Variants in ABL2 observed in about 807,000 individuals in gnomAD.
ABL2 encodes the protein tyrosine-protein kinase ABL2.
Under a neutral mutation model 107.7 loss-of-function variants are expected in ABL2, and 49 were observed. The ratio of observed to expected loss-of-function variants is 0.45; its 90% CI spans 0.36 to 0.58. ABL2 has a LOEUF of 0.58. Among genes scored for constraint, ABL2 ranks in the 20% least tolerant of loss-of-function variants. ABL2 has a pLI of 0.00. For missense variants in ABL2, 1,245 were observed against 1,457.0 expected (o/e 0.85, Z 2.37); for synonymous variants, 549 against 548.6 (o/e 1.00, Z -0.01).
intron 1 of ABL2, among the ~76,000 whole-genome samples, chr1:179,206,900 G>A (rs1480254955): frequency 6.6e-6 from 1 of 152,160 alleles, no homozygotes; most frequent in Non-Finnish European, 1.5e-5. Flanking sequence ...CCACATACAA[G>A]CTGAAACTGA....
chr1:179,188,450 G>A (rs1009926997), intron 1 of ABL2, among the ~76,000 whole-genome samples: 1 of 152,044 alleles, frequency 6.6e-6, no homozygotes, highest in African/African-American at 2.4e-5. Flanking sequence ...AGGGGGCTGA[G>A]GCAGGAGAAT....
At chr1:179,184,243 T>C (rs994232608) in intron 1 of ABL2, 2 of 527,806 alleles carry the variant, frequency 3.8e-6, no homozygotes, top group African/African-American at 2.0e-5. Flanking sequence ...GGTTACAGAA[T>C]AGACTTTTAT....
At chr1:179,170,650 A>C (rs1170280160) in intron 1 of ABL2, among the ~76,000 whole-genome samples, 2 of 152,150 alleles carry the variant, frequency 1.3e-5, no homozygotes, top group African/African-American at 4.8e-5. Flanking sequence ...GCTGGAGTGC[A>C]GTGGCACGAT....
chr1:179,150,743 T>C (rs1376092789), intron 1 of ABL2, among the ~76,000 whole-genome samples: 2 of 152,260 alleles, frequency 1.3e-5, no homozygotes, highest in African/African-American at 4.8e-5. Flanking sequence ...AGTTCTACTG[T>C]AGGTAAAATG....
intron 1 of ABL2, among the ~76,000 whole-genome samples, chr1:179,184,809 C>A (rs1660589326): frequency 6.6e-6 from 1 of 151,992 alleles, no homozygotes; most frequent in Non-Finnish European, 1.5e-5. Context: ...CTTGAGGTCT[C>A]TTTTCTATAC....
chr1:179,149,320 G>A (rs749318011), intron 1 of ABL2, among the ~76,000 whole-genome samples: 1 of 152,216 alleles, frequency 6.6e-6, no homozygotes, highest in Non-Finnish European at 1.5e-5. Flanking sequence ...AGAAAAGTTT[G>A]AAGGTAGCAG....
intron 4 of ABL2, among the ~76,000 whole-genome samples, chr1:179,122,923 T>C (rs986524085): frequency 6.6e-6 from 1 of 152,046 alleles, no homozygotes; most frequent in Non-Finnish European, 1.5e-5. Context: ...GTCTCCCAAA[T>C]TGCTGGGATT....
intron 1 of ABL2, among the ~76,000 whole-genome samples, chr1:179,226,896 A>G (rs1028445195): frequency 1.3e-5 from 2 of 152,172 alleles, no homozygotes; most frequent in African/African-American, 2.4e-5. Context: ...ATCAAATCAT[A>G]AAGTCCTTTA....
intron 5 of ABL2, 145 bp from the exon 6 acceptor site, chr1:179,120,419 A>C (rs1428838139): frequency 2.7e-5 from 11 of 411,192 alleles, no homozygotes; most frequent in Non-Finnish European, 3.4e-5. Flanking sequence ...ACAAGATATA[A>C]TTATTATTTT....
At chr1:179,115,392 C>T (rs569106814) in intron 8 of ABL2, among the ~76,000 whole-genome samples, 6 of 152,228 alleles carry the variant, frequency 3.9e-5, no homozygotes, top group African/African-American at 1.2e-4. Context: ...GTTTCACTTC[C>T]CACAGTTTCA....
chr1:179,205,688 G>A lies in ABL2; in HGVS notation c.157+23553C>T, dbSNP rs112580367. Among the ~76,000 whole-genome samples, 454 of 152,278 alleles carry A rather than the reference G, an allele frequency of 3.0e-3. 1 individual carries two copies. The highest frequency in any genetic ancestry group is 0.011 in the African/African-American group (439 of 41,556). On this transcript the variant is annotated intron_variant, in intron 1 of 11. Coordinates refer to ENST00000502732, the MANE Select transcript of ABL2 (RefSeq NM_007314.4). ...CATGTATTACAAGTGACAAACTTTGGATGTGTTAATCCACTGAGATTAGGG... is the reference window on the plus strand; with the variant it reads ...CATGTATTACAAGTGACAAACTTTGAATGTGTTAATCCACTGAGATTAGGG...
chr1:179,217,770 C>A (rs1444932396), intron 1 of ABL2, among the ~76,000 whole-genome samples: 2 of 152,162 alleles, frequency 1.3e-5, no homozygotes, highest in Non-Finnish European at 2.9e-5. Flanking sequence ...AAGACTCAAT[C>A]CATAGCCACA....
At chr1:179,184,581 G>A (rs1285906114) in intron 1 of ABL2, 8 of 562,922 alleles carry the variant, frequency 1.4e-5, no homozygotes, top group Non-Finnish European at 1.9e-5. Flanking sequence ...ATGAGGAGGA[G>A]GAGGAGGAGG....
At position 179,111,281 on chromosome 1, in the gene ABL2, CTTTTTTTTTTT is replaced by C. The variant is rs748453531; in HGVS notation, c.1652-837_1652-827del. On this transcript the variant is annotated intron_variant, in intron 10 of 11. Transcript: ENST00000502732. ...ACAGGTGTGAACCACAGTGCTCAGT[CTTTTTTTTTTT>C]TTTTTTTTTTTGACAGGGAGTCTTG... 9.7e-5 allele frequency among the ~76,000 whole-genome samples: 8 copies of C among 82,276 alleles called. No homozygotes were observed. In the South Asian group the frequency reaches 1.4e-3, roughly 15 times the overall value. 54.0% of individuals were successfully genotyped at this position (82,276 alleles called of 152,430 possible). A position where few individuals can be genotyped will look rare whatever the true frequency, so the allele number is the denominator to read the frequency against.
chr1:179,161,662 G>T (rs1038352438), intron 1 of ABL2, among the ~76,000 whole-genome samples: 4 of 152,194 alleles, frequency 2.6e-5, no homozygotes, highest in African/African-American at 9.7e-5. Context: ...AGTCAGCTGA[G>T]ACTGTGCTAA....
chr1:179,174,920 A>AAAAAAAAAAAAAATAAT (rs1659958398), intron 1 of ABL2, among the ~76,000 whole-genome samples: 1 of 122,874 alleles, frequency 8.1e-6, no homozygotes, highest in Non-Finnish European at 1.7e-5. Flanking sequence ...AAAATAAAAA[A>AAAAAAAAAAAAAATAAT]AATAATAATA....
At chr1:179,119,056 A>T (rs1654928000) in intron 6 of ABL2, among the ~76,000 whole-genome samples, 1 of 151,162 alleles carries the variant, frequency 6.6e-6, no homozygotes, top group South Asian at 2.1e-4. Flanking sequence ...GAAAACCAAC[A>T]TGTCTAGAGT....
intron 1 of ABL2, among the ~76,000 whole-genome samples, chr1:179,185,454 A>C (rs571696975): frequency 6.6e-6 from 1 of 152,214 alleles, no homozygotes; most frequent in East Asian, 1.9e-4. Flanking sequence ...TTTTAAAAAA[A>C]ATTTTTTTGT....
intron 1 of ABL2, among the ~76,000 whole-genome samples, chr1:179,190,966 A>G (rs1339143599): frequency 6.6e-6 from 1 of 152,180 alleles, no homozygotes; most frequent in Non-Finnish European, 1.5e-5. Context: ...AGTTGAGAGG[A>G]AAAAGCGTTT....
Sources: allele counts gnomAD v4.1 joint callset (sites outside exome capture counted in the v4.1 genomes callset), GRCh38; gene constraint gnomAD v4.1.1; transcripts MANE v1.5; gene names NCBI Gene and HGNC (gene_info 2026-07-23, HGNC 2026-07-21).